Variants in VPS8 observed in about 807,000 individuals in gnomAD.
The protein encoded by VPS8 is VPS8 subunit of CORVET complex.
A neutral mutation model predicts 216.4 loss-of-function variants in VPS8; 129 were observed. That is an observed-to-expected ratio of 0.60 (90% confidence interval 0.52 to 0.69). The LOEUF is 0.69. Ranked by LOEUF, VPS8 falls within the 30% of genes least tolerant of loss-of-function variation. The pLI is 0.00. For synonymous variants in VPS8, 571 were observed against 565.4 expected (o/e 1.01, Z -0.14); for missense variants, 1,531 against 1,683.5 (o/e 0.91, Z 1.59).
intron 46 of VPS8, among the ~76,000 whole-genome samples, chr3:185,026,701 C>CTGT (rs1757409471): frequency 1.2e-5 from 1 of 85,942 alleles, no homozygotes; most frequent in Non-Finnish European, 2.3e-5. Context: ...GAGCCACTGT[C>CTGT]TTTTTTTTTT....
intron 25 of VPS8, among the ~76,000 whole-genome samples, chr3:184,902,694 G>C (rs1395936707): frequency 1.3e-5 from 2 of 151,568 alleles, no homozygotes; most frequent in Admixed American, 1.3e-4. Flanking sequence ...GCCGGGCGTG[G>C]TGGCGCGTGC....
intron 9 of VPS8, 56 bp from the exon 10 acceptor site, chr3:184,849,880 T>G: frequency 7.4e-7 from 1 of 1,360,026 alleles, no homozygotes; most frequent in Middle Eastern, 1.8e-4. Context: ...GGCAGGATAC[T>G]TAAGTCCAAA....
chr3:184,856,709 T>C (rs896591507), intron 14 of VPS8, among the ~76,000 whole-genome samples: 7 of 152,190 alleles, frequency 4.6e-5, no homozygotes, highest in Non-Finnish European at 8.8e-5. Flanking sequence ...GCCTGGATTC[T>C]GCCATAGCTT....
intron 46 of VPS8, among the ~76,000 whole-genome samples, chr3:185,024,895 A>T (rs2889586): frequency 0.23 from 34,731 of 151,946 alleles, 5,271 homozygotes; most frequent in East Asian, 0.53. Flanking sequence ...CCAGCTACTC[A>T]GGAGGCTGAG....
chr3:185,024,927 G>C (rs1405772048), intron 46 of VPS8, among the ~76,000 whole-genome samples: 1 of 152,018 alleles, frequency 6.6e-6, no homozygotes, highest in African/African-American at 2.4e-5. Context: ...GCTTGAACCC[G>C]GGAGGCGGAG....
At chr3:184,845,340 C>T (rs1722919012) in intron 8 of VPS8, among the ~76,000 whole-genome samples, 1 of 152,154 alleles carries the variant, frequency 6.6e-6, no homozygotes, top group African/African-American at 2.4e-5. Flanking sequence ...TGTTTAGTTA[C>T]TCTAGCAGGA....
intron 46 of VPS8, among the ~76,000 whole-genome samples, chr3:185,046,297 C>CT (rs774096640): frequency 4.6e-5 from 7 of 152,210 alleles, no homozygotes; most frequent in Non-Finnish European, 8.8e-5. Flanking sequence ...TGTTACTTAT[C>CT]TTCAGGGCTG....
intron 22 of VPS8, among the ~76,000 whole-genome samples, chr3:184,888,979 A>G (rs915727959): frequency 6.6e-6 from 1 of 152,222 alleles, no homozygotes; most frequent in Non-Finnish European, 1.5e-5. Context: ...TTGTAAGATG[A>G]AAGATTATAT....
intron 46 of VPS8, among the ~76,000 whole-genome samples, chr3:185,033,522 C>T (rs1403991057): frequency 6.6e-6 from 1 of 152,214 alleles, no homozygotes; most frequent in Non-Finnish European, 1.5e-5. Flanking sequence ...TTTATCCATT[C>T]ACCTACTGCG....
chr3:184,940,373 A>G (rs1742459121), intron 36 of VPS8, 130 bp downstream of exon 36: 1 of 276,296 alleles, frequency 3.6e-6, no homozygotes, highest in African/African-American at 2.2e-5. Flanking sequence ...TATTAGTAGG[A>G]GCAACTGTTA....
chr3:184,992,648 C>T (rs1163542520), intron 42 of VPS8, among the ~76,000 whole-genome samples: 1 of 152,032 alleles, frequency 6.6e-6, no homozygotes, highest in Non-Finnish European at 1.5e-5. Flanking sequence ...GTAGCAGCTA[C>T]TTTTATCATA....
At chr3:184,968,729 T>C (rs1747831700) in intron 39 of VPS8, among the ~76,000 whole-genome samples, 1 of 152,210 alleles carries the variant, frequency 6.6e-6, no homozygotes, top group Non-Finnish European at 1.5e-5. Flanking sequence ...TTTGTTTTCA[T>C]ATTCCTTGAC....
chr3:184,927,539 A>G (rs1053375802), intron 31 of VPS8, among the ~76,000 whole-genome samples: 3 of 152,168 alleles, frequency 2.0e-5, no homozygotes, highest in African/African-American at 7.2e-5. Context: ...GTAAAAATTA[A>G]TTCTATGAGC....
rs778804566 is a variant in VPS8, at chr3:184,853,847, G to C, written c.822-10G>C. The C allele has an allele frequency of 5.8e-6, 9 of 1,558,836 alleles. No individual in the cohort carries two copies. In the South Asian group the frequency reaches 9.4e-5, roughly 16 times the overall value. ...TAAATTGATTCTGAATTTTCAAATT[G>C]CATTTTCAGGAGAGTGATGGGAGTG... On this transcript the variant is annotated splice_polypyrimidine_tract_variant and intron_variant, in intron 11 of 47. Coordinates refer to ENST00000625842, the MANE Select transcript of VPS8 (RefSeq NM_001009921.3).
intron 14 of VPS8, among the ~76,000 whole-genome samples, chr3:184,859,094 G>A (rs1050003917): frequency 6.6e-6 from 1 of 152,194 alleles, no homozygotes; most frequent in East Asian, 1.9e-4. Flanking sequence ...CAGTTGAAAT[G>A]TCTGTGGTGT....
At position 184,834,390 on chromosome 3, in the gene VPS8, C is replaced by A. The variant is rs571361560; in HGVS notation, c.354-259C>A. Among the ~76,000 whole-genome samples the A allele has an allele frequency of 3.3e-5, 5 of 152,182 alleles. No homozygotes were observed. The East Asian group carries it at 9.7e-4, about 29-fold the overall frequency. On this transcript the variant is annotated intron_variant, in intron 4 of 47. Transcript: ENST00000625842. Reference sequence around the variant, plus strand: ...CGTCATACCTCTTTTAGGAGATATACCTAATGCTAAATGATGAGTTAATGG... The same window carrying A: ...CGTCATACCTCTTTTAGGAGATATAACTAATGCTAAATGATGAGTTAATGG...
chr3:184,837,212 GT>G (rs5855043), intron 5 of VPS8, among the ~76,000 whole-genome samples: 1 of 151,576 alleles, frequency 6.6e-6, no homozygotes, highest in African/African-American at 2.4e-5. Flanking sequence ...TAATATCTGT[GT>G]TTTTTTTAGC....
At chr3:184,997,508 A>T (rs913280151) in intron 44 of VPS8, among the ~76,000 whole-genome samples, 3 of 152,238 alleles carry the variant, frequency 2.0e-5, no homozygotes, top group Non-Finnish European at 2.9e-5. Context: ...TTCTCTTCAC[A>T]CAAAGAGCCC....
intron 17 of VPS8, 117 bp from the exon 18 acceptor site, chr3:184,867,907 A>G: frequency 1.0e-6 from 1 of 986,930 alleles, no homozygotes. Context: ...TTCTAACTGT[A>G]GTATGAAATG....
Sources: allele counts gnomAD v4.1 joint callset (sites outside exome capture counted in the v4.1 genomes callset), GRCh38; gene constraint gnomAD v4.1.1; transcripts MANE v1.5; gene names NCBI Gene and HGNC (gene_info 2026-07-23, HGNC 2026-07-21).